SNX13: variants seen among roughly 807,000 people sequenced by gnomAD.
SNX13 encodes the protein sorting nexin-13.
A neutral mutation model predicts 133.6 loss-of-function variants in SNX13; 45 were observed. The ratio of observed to expected loss-of-function variants is 0.34; its 90% CI spans 0.27 to 0.43. The LOEUF (loss-of-function observed/expected upper bound fraction) is 0.43, where lower values mean the gene tolerates loss of function less well. Ranked by LOEUF, SNX13 falls within the 20% of genes least tolerant of loss-of-function variation. The probability of loss-of-function intolerance (pLI) is 1.00; values close to 1 mark genes in which losing one functional copy is unlikely to be tolerated. For missense variants in SNX13, 1,032 were observed against 1,145.1 expected (o/e 0.90, Z 1.43); for synonymous variants, 414 against 373.9 (o/e 1.11, Z -1.24).
In SNX13 at chr7:17,791,164, A is replaced by G. The variant is rs1279094147; in HGVS notation, c.*2881T>C. 6.6e-6 allele frequency: 1 copy of G among 152,072 alleles called. No individual in the cohort carries two copies. The highest frequency in any genetic ancestry group is 1.5e-5 in the Non-Finnish European group (1 of 67,924). The allele number at this position is 152,072 out of a possible 1,614,324, so 9.4% of individuals were successfully genotyped here. A position where few individuals can be genotyped will look rare whatever the true frequency, so the allele number is the denominator to read the frequency against. Reference sequence around the variant, plus strand: ...GACAGTTTAAGCTACATCTCAAAAAATTAAAAATTCATTTATCTTACAATT... The same window carrying G: ...GACAGTTTAAGCTACATCTCAAAAAGTTAAAAATTCATTTATCTTACAATT... On this transcript the variant is annotated 3_prime_UTR_variant, in exon 26 of 26. Coordinates refer to ENST00000428135, the MANE Select transcript of SNX13 (RefSeq NM_015132.5).
intron 9 of SNX13, among the ~76,000 whole-genome samples, chr7:17,857,652 C>T (rs995142456): frequency 2.0e-5 from 3 of 151,942 alleles, no homozygotes; most frequent in Admixed American, 6.6e-5. Context: ...GGCATGCTGG[C>T]GGGCATCTGT....
At chr7:17,860,812 A>C (rs1792581810) in intron 9 of SNX13, among the ~76,000 whole-genome samples, 1 of 152,150 alleles carries the variant, frequency 6.6e-6, no homozygotes, top group African/African-American at 2.4e-5. Flanking sequence ...CTGTTCCACT[A>C]AGTCTACATT....
rs907703425 is a variant in SNX13 at position 17,791,060 on chromosome 7, A to G, written c.*2985T>C. 6.6e-6 allele frequency: 1 copy of G among 152,056 alleles called. No homozygotes were observed. The highest frequency in any genetic ancestry group is 1.5e-5 in the Non-Finnish European group (1 of 67,910). 9.4% of individuals were successfully genotyped at this position (152,056 alleles called of 1,614,324 possible). A position where few individuals can be genotyped will look rare whatever the true frequency, so the allele number is the denominator to read the frequency against. On this transcript the variant is annotated 3_prime_UTR_variant, in exon 26 of 26. Transcript: ENST00000428135. ...CTACTAATAAAAGAATTTTCCAAGG[A>G]GTGACAAAAAGACTTTTAAAACAAG...
chr7:17,830,985 TG>T, intron 15 of SNX13: 1 of 984,328 alleles, frequency 1.0e-6, no homozygotes, highest in Non-Finnish European at 1.2e-6. Context: ...CATAAAAAAA[TG>T]GGAATTTCAC....
chr7:17,807,056 CAGG>C (rs1785386342), intron 20 of SNX13, among the ~76,000 whole-genome samples: 3 of 152,274 alleles, frequency 2.0e-5, no homozygotes, highest in East Asian at 1.9e-4. Context: ...AAGCTAGCTG[CAGG>C]AGTTTTTTTC....
chr7:17,861,855 C>G (rs1040673143), intron 9 of SNX13, among the ~76,000 whole-genome samples: 2 of 152,192 alleles, frequency 1.3e-5, no homozygotes, highest in Non-Finnish European at 2.9e-5. Context: ...TGGGTCTCTT[C>G]CAGTGTACTT....
At chr7:17,938,393 A>G (rs1802358079) in intron 1 of SNX13, among the ~76,000 whole-genome samples, 2 of 152,188 alleles carry the variant, frequency 1.3e-5, no homozygotes. Context: ...ACCTTGGACA[A>G]GAGTCTCTGG....
chr7:17,906,306 G>C (rs1798392388), intron 1 of SNX13, among the ~76,000 whole-genome samples: 1 of 152,014 alleles, frequency 6.6e-6, no homozygotes, highest in African/African-American at 2.4e-5. Context: ...ATTTCCACAT[G>C]ATATTAAAAT....
intron 1 of SNX13, among the ~76,000 whole-genome samples, chr7:17,929,831 C>A (rs1249835949): frequency 6.6e-6 from 1 of 152,024 alleles, no homozygotes; most frequent in Non-Finnish European, 1.5e-5. Context: ...TATTTCCTCC[C>A]GAAATTCAGT....
intron 15 of SNX13, chr7:17,830,543 C>A (rs895400362): frequency 2.9e-5 from 29 of 983,458 alleles, no homozygotes; most frequent in Non-Finnish European, 6.0e-6. Context: ...GGTAGATTAT[C>A]TTGAAAACAC....
chr7:17,897,288 C>G, intron 2 of SNX13, 46 bp downstream of exon 2: 1 of 1,027,124 alleles, frequency 9.7e-7, no homozygotes, highest in Non-Finnish European at 1.3e-6. Flanking sequence ...TCCATTTTAA[C>G]AAGATATGAC....
chr7:17,806,099 T>C (rs1785267596), intron 20 of SNX13, among the ~76,000 whole-genome samples: 1 of 152,306 alleles, frequency 6.6e-6, no homozygotes, highest in Non-Finnish European at 1.5e-5. Flanking sequence ...CTTACACAGA[T>C]GCTGTATATT....
At chr7:17,891,870 G>T (rs2127993247) in intron 3 of SNX13, among the ~76,000 whole-genome samples, 1 of 151,984 alleles carries the variant, frequency 6.6e-6, no homozygotes, top group South Asian at 2.1e-4. Context: ...TTAGAATGTG[G>T]GAAAACTGCA....
intron 20 of SNX13, among the ~76,000 whole-genome samples, chr7:17,809,757 C>G (rs1785780212): frequency 6.6e-6 from 1 of 152,088 alleles, no homozygotes; most frequent in Non-Finnish European, 1.5e-5. Flanking sequence ...GAATGGAAAT[C>G]ATAACAAACA....
chr7:17,852,122 G>T (rs1416403504), intron 9 of SNX13, among the ~76,000 whole-genome samples: 1 of 152,142 alleles, frequency 6.6e-6, no homozygotes, highest in Non-Finnish European at 1.5e-5. Context: ...GCTTGTAATC[G>T]CAGCACTTTG....
chr7:17,803,880 T>TAAAAA (rs757897385), intron 20 of SNX13, among the ~76,000 whole-genome samples: 2 of 77,750 alleles, frequency 2.6e-5, no homozygotes, highest in African/African-American at 4.7e-5. Flanking sequence ...ACCCCATCTC[T>TAAAAA]AAAAAAAAAA....
rs1447068972 is a variant in SNX13, at chr7:17,794,013, C to T, written c.*32G>A. 1.2e-6 allele frequency: 2 copies of T among 1,604,460 alleles called. No individual in the cohort carries two copies. Among genetic ancestry groups the T allele is most frequent in the Non-Finnish European group, 1.7e-6 (2 of 1,174,746 alleles). On this transcript the variant is annotated 3_prime_UTR_variant, in exon 26 of 26. Coordinates refer to ENST00000428135, the MANE Select transcript of SNX13 (RefSeq NM_015132.5). ...ATCTGTCCATACCATTAGTCCTGGACAAAATGAACACCAGCTTCATAGAGT... is the reference window on the plus strand; with the variant it reads ...ATCTGTCCATACCATTAGTCCTGGATAAAATGAACACCAGCTTCATAGAGT...
chr7:17,918,838 G>A (rs1200881593), intron 1 of SNX13, among the ~76,000 whole-genome samples: 1 of 152,058 alleles, frequency 6.6e-6, no homozygotes, highest in East Asian at 1.9e-4. Context: ...AATAGCAAAG[G>A]CATGGAATTA....
At chr7:17,874,149 T>C (rs972950608) in intron 7 of SNX13, among the ~76,000 whole-genome samples, 1 of 152,226 alleles carries the variant, frequency 6.6e-6, no homozygotes, top group Admixed American at 6.5e-5. Context: ...GTAATATAAA[T>C]TGACCCTTGA....
Sources: allele counts gnomAD v4.1 joint callset (sites outside exome capture counted in the v4.1 genomes callset), GRCh38; gene constraint gnomAD v4.1.1; transcripts MANE v1.5; gene names NCBI Gene and HGNC (gene_info 2026-07-23, HGNC 2026-07-21).